SEC63: variants seen among roughly 807,000 people sequenced by gnomAD.
The protein encoded by SEC63 is translocation protein SEC63 homolog.
SEC63 carries 56 observed loss-of-function variants against 116.2 expected under a neutral mutation model. That is an observed-to-expected ratio of 0.48 (90% CI 0.39 to 0.60). The LOEUF (loss-of-function observed/expected upper bound fraction) is 0.60, where lower values mean the gene tolerates loss of function less well. Ranked by LOEUF, SEC63 falls within the 20% of genes least tolerant of loss-of-function variation. The probability of loss-of-function intolerance (pLI) is 0.00; values close to 1 mark genes in which losing one functional copy is unlikely to be tolerated. For synonymous variants in SEC63, 273 were observed against 294.6 expected (o/e 0.93, Z 0.75); for missense variants, 668 against 900.0 (o/e 0.74, Z 3.30).
chr6:107,906,452 T>C lies in SEC63; in HGVS notation c.957A>G (p.Glu319=). 2 of 1,614,174 alleles carry C rather than the reference T, an allele frequency of 1.2e-6. No individual in the cohort carries two copies. The highest frequency in any genetic ancestry group is 8.5e-7 in the Non-Finnish European group (1 of 1,180,014). ...AGATACCGGAATCACAAATACCTTCTTCAAGGGTCTCAGGAATTTTCATTC... is the reference window on the plus strand; with the variant it reads ...AGATACCGGAATCACAAATACCTTCCTCAAGGGTCTCAGGAATTTTCATTC... ...LARMKIPETL[E]EDQQFMLKKC... The change falls in exon 10 of 21, where the codon GAA becomes GAG. Residue 319 remains glutamate (E), a synonymous_variant. Transcript: ENST00000369002.
At chr6:107,891,847 T>C (rs1786690414) in intron 16 of SEC63, among the ~76,000 whole-genome samples, 1 of 152,180 alleles carries the variant, frequency 6.6e-6, no homozygotes, top group Non-Finnish European at 1.5e-5. Flanking sequence ...TTGCTGGAGG[T>C]CTGCTCCAGA....
At chr6:107,914,435 C>A (rs1469062250) in intron 4 of SEC63, among the ~76,000 whole-genome samples, 1 of 152,054 alleles carries the variant, frequency 6.6e-6, no homozygotes, top group African/African-American at 2.4e-5. Context: ...TGCAGAAATA[C>A]CTTTATAAAA....
intron 4 of SEC63, among the ~76,000 whole-genome samples, chr6:107,916,927 T>A (rs1339768721): frequency 3.3e-5 from 5 of 152,188 alleles, no homozygotes; most frequent in Non-Finnish European, 7.3e-5. Flanking sequence ...TAAAATGGCC[T>A]CTGTTGGGAG....
intron 1 of SEC63, among the ~76,000 whole-genome samples, chr6:107,936,900 T>G (rs1163842464): frequency 6.6e-6 from 1 of 152,192 alleles, no homozygotes; most frequent in Non-Finnish European, 1.5e-5. Context: ...TCTCCTTCCC[T>G]CCTTCCTCCC....
At chr6:107,925,656 C>T (rs1261323327) in intron 2 of SEC63, among the ~76,000 whole-genome samples, 1 of 152,144 alleles carries the variant, frequency 6.6e-6, no homozygotes, top group East Asian at 1.9e-4. Context: ...AAAAGAGAAA[C>T]TCTCATACAC....
chr6:107,917,537 A>G (rs1438854797), intron 4 of SEC63, among the ~76,000 whole-genome samples: 3 of 152,356 alleles, frequency 2.0e-5, no homozygotes, highest in East Asian at 3.9e-4. Context: ...GCATGTCAAA[A>G]GCCAAAACAA....
chr6:107,908,996 G>A lies in SEC63; in HGVS notation c.664C>T (p.Gln222Ter), dbSNP rs1419463186. The A allele has an allele frequency of 1.2e-6, 2 of 1,612,960 alleles. No homozygotes were observed. Among genetic ancestry groups the A allele is most frequent in the African/African-American group, 1.3e-5 (1 of 74,782 alleles). ...ATCTGTGTTGTGCGTATTAGAATCT[G>A]GTCTCCACTATAGCGTATTGAGCGA... is the stretch of plus-strand genomic sequence containing the variant. ...WYRSIRYSGD[Q>*]ILIRTTQIYT... The change falls in exon 8 of 21, where the codon CAG becomes TAG. Residue 222 changes from glutamine (Q) to a stop codon, truncating the protein, a stop_gained. Coordinates refer to ENST00000369002, the MANE Select transcript of SEC63 (RefSeq NM_007214.5). LOFTEE classifies it high-confidence loss of function.
intron 18 of SEC63, 29 bp downstream of exon 18, chr6:107,881,120 A>G: frequency 7.0e-7 from 1 of 1,436,568 alleles, no homozygotes; most frequent in Non-Finnish European, 9.8e-7. Context: ...GAATGGAATA[A>G]GGAACACAGT....
rs143606782 is a variant in SEC63, at chr6:107,906,434, G to C, written c.961+14C>G. 8.1e-6 allele frequency: 13 copies of C among 1,613,498 alleles called. No individual in the cohort carries two copies. Among genetic ancestry groups the C allele is most frequent in the Non-Finnish European group, 1.0e-5 (12 of 1,179,666 alleles). On this transcript the variant is annotated intron_variant, in intron 10 of 20. Transcript: ENST00000369002. Reference sequence around the variant, plus strand: ...ATCCCACTAAACCTCTGTAGATACCGGAATCACAAATACCTTCTTCAAGGG... The same window carrying C: ...ATCCCACTAAACCTCTGTAGATACCCGAATCACAAATACCTTCTTCAAGGG...
chr6:107,911,454 A>G lies in SEC63; in HGVS notation c.574-58T>C, dbSNP rs935551908. The G allele has an allele frequency of 3.4e-6, 4 of 1,185,286 alleles. No individual in the cohort carries two copies. The African/African-American group carries it at 4.5e-5, about 13-fold the overall frequency. The allele number at this position is 1,185,286 out of a possible 1,614,324, so 73.4% of individuals were successfully genotyped here. ...CGTCAGGTAAATTAAAACAACATCCATGAATTTATTTTGAGGCTTACAATG... is the reference window on the plus strand; with the variant it reads ...CGTCAGGTAAATTAAAACAACATCCGTGAATTTATTTTGAGGCTTACAATG... On this transcript the variant is annotated intron_variant, in intron 6 of 20. Transcript: ENST00000369002.
At chr6:107,946,044 C>T (rs1313714534) in intron 1 of SEC63, among the ~76,000 whole-genome samples, 1 of 152,126 alleles carries the variant, frequency 6.6e-6, no homozygotes, top group East Asian at 1.9e-4. Flanking sequence ...TCAAGCCATT[C>T]TCCTGCCTCA....
chr6:107,899,716 CAA>C (rs35917805), intron 13 of SEC63, among the ~76,000 whole-genome samples: 15 of 146,824 alleles, frequency 1.0e-4, no homozygotes, highest in African/African-American at 1.0e-4. Flanking sequence ...AAGACTGTCT[CAA>C]AAAAAAAAAG....
intron 1 of SEC63, among the ~76,000 whole-genome samples, chr6:107,943,742 G>A (rs1770423703): frequency 6.6e-6 from 1 of 152,184 alleles, no homozygotes; most frequent in African/African-American, 2.4e-5. Context: ...GTAAAAGACT[G>A]AAAGAGTGTG....
intron 1 of SEC63, among the ~76,000 whole-genome samples, chr6:107,949,620 C>T (rs1770540604): frequency 6.6e-6 from 1 of 151,898 alleles, no homozygotes; most frequent in Non-Finnish European, 1.5e-5. Flanking sequence ...AGCAAAATGA[C>T]AGAGGTCCTT....
At chr6:107,939,785 A>T (rs191701432) in intron 1 of SEC63, among the ~76,000 whole-genome samples, 1,933 of 152,310 alleles carry the variant, frequency 0.013, 48 homozygotes, top group African/African-American at 0.038. Context: ...AAAAATTTTT[A>T]AAAACAATCT....
chr6:107,937,215 C>T (rs564389185), intron 1 of SEC63, among the ~76,000 whole-genome samples: 6 of 151,736 alleles, frequency 4.0e-5, no homozygotes, highest in African/African-American at 1.2e-4. Context: ...CTCCACCTCC[C>T]GGGTTCAAGT....
At chr6:107,893,413 G>A (rs562573276) in intron 16 of SEC63, 69 bp downstream of exon 16, 333 of 1,479,110 alleles carry the variant, frequency 2.3e-4, no homozygotes, top group Admixed American at 6.8e-4. Flanking sequence ...AGCTGTACAC[G>A]TAAGACTTGA....
intron 1 of SEC63, among the ~76,000 whole-genome samples, chr6:107,950,146 G>T (rs1770549481): frequency 6.6e-6 from 1 of 151,986 alleles, no homozygotes; most frequent in South Asian, 2.1e-4. Flanking sequence ...GTGACTATAA[G>T]ACAAAATAGA....
Position 107,901,464 on chromosome 6 carries a change from G to A in SEC63, c.1263C>T (p.His421=), listed in dbSNP as rs186877229. Residue 421 remains histidine, a synonymous_variant, in exon 13 of 21, where the codon CAC becomes CAT. Coordinates refer to ENST00000369002, the MANE Select transcript of SEC63 (RefSeq NM_007214.5). ...DLVSLKESDR[H]TLLHFLEDEK... is the part of the protein sequence containing the mutation. ...CATCTTCAAGGAAGTGCAGTAGAGT[G>A]TGACGATCTGATTCTTTTAAACTCA... 1.9e-6 allele frequency: 3 copies of A among 1,609,360 alleles called. No homozygotes were observed. The highest frequency in any genetic ancestry group is 2.2e-5 in the East Asian group (1 of 44,752).
Sources: gnomAD v4.1 joint callset for allele counts (sites outside exome capture counted in the v4.1 genomes callset) on GRCh38, gnomAD v4.1.1 for gene constraint, MANE v1.5 for transcripts, NCBI Gene and HGNC (gene_info 2026-07-23, HGNC 2026-07-21) for gene names.